Variants in CNBD1 observed in about 807,000 individuals in gnomAD.
CNBD1 encodes cyclic nucleotide-binding domain-containing protein 1.
A neutral mutation model predicts 54.4 loss-of-function variants in CNBD1; 71 were observed. The observed-to-expected ratio is 1.30, with a 90% CI of 1.08 to 1.59. The LOEUF is 1.59. Among genes scored for constraint, CNBD1 ranks in the 40% most tolerant of loss-of-function variants. The pLI is 0.00. For missense variants in CNBD1, 659 were observed against 518.0 expected (o/e 1.27, Z -2.64); for synonymous variants, 182 against 170.7 (o/e 1.07, Z -0.51).
intron 10 of CNBD1, among the ~76,000 whole-genome samples, chr8:87,366,404 C>A (rs1425970905): frequency 6.6e-6 from 1 of 152,030 alleles, no homozygotes; most frequent in Non-Finnish European, 1.5e-5. Context: ...CTGCTCCATC[C>A]ATCTGGCCCT....
intron 3 of CNBD1, among the ~76,000 whole-genome samples, chr8:86,924,248 A>C (rs766457008): frequency 4.6e-5 from 7 of 152,148 alleles, no homozygotes; most frequent in Admixed American, 1.3e-4. Context: ...TGCTTGAGTG[A>C]CCATATACCT....
chr8:86,895,202 C>T (rs148314826), intron 2 of CNBD1, among the ~76,000 whole-genome samples: 1 of 151,978 alleles, frequency 6.6e-6, no homozygotes, highest in African/African-American at 2.4e-5. Context: ...ACAGCAGCTT[C>T]CTTCACTAAA....
intron 4 of CNBD1, among the ~76,000 whole-genome samples, chr8:86,945,123 G>C (rs1807436144): frequency 1.3e-5 from 2 of 152,154 alleles, no homozygotes; most frequent in South Asian, 4.1e-4. Context: ...AAAATAATTG[G>C]TTTCTTCATA....
chr8:87,153,716 G>A (rs1461630609), intron 4 of CNBD1, among the ~76,000 whole-genome samples: 1 of 152,186 alleles, frequency 6.6e-6, no homozygotes, highest in Admixed American at 6.5e-5. Flanking sequence ...GCTGTGCAAT[G>A]GAGATACATG....
intron 2 of CNBD1, among the ~76,000 whole-genome samples, chr8:86,894,673 C>T (rs1265365509): frequency 6.6e-6 from 1 of 152,100 alleles, no homozygotes; most frequent in East Asian, 1.9e-4. Flanking sequence ...AAATCTTCTG[C>T]TCCATCTCTT....
Position 86,944,575 on chromosome 8 carries a change from A to C in CNBD1, c.431+4821A>C, listed in dbSNP as rs918825890. On this transcript the variant is annotated intron_variant, in intron 4 of 10. Coordinates refer to ENST00000518476, the MANE Select transcript of CNBD1 (RefSeq NM_173538.3). ...CAAGTGCAAGAGCCCAGGTATTGCA[A>C]CATGGTCTGCAAATAGAAAAACAAA... Among the ~76,000 whole-genome samples the C allele has an allele frequency of 2.6e-5, 4 of 152,228 alleles. No individual in the cohort carries two copies. The South Asian group carries it at 6.2e-4, about 24-fold the overall frequency.
intron 4 of CNBD1, among the ~76,000 whole-genome samples, chr8:86,940,881 C>T (rs1809643453): frequency 6.6e-6 from 1 of 152,124 alleles, no homozygotes; most frequent in Admixed American, 6.5e-5. Flanking sequence ...GTATAACTGC[C>T]TACAGTATAC....
At chr8:86,890,239 C>T (rs993594439) in intron 2 of CNBD1, among the ~76,000 whole-genome samples, 1 of 152,018 alleles carries the variant, frequency 6.6e-6, no homozygotes, top group African/African-American at 2.4e-5. Context: ...GTCAACATCT[C>T]CACATTCCTC....
chr8:86,952,948 G>A (rs1807663842), intron 4 of CNBD1, among the ~76,000 whole-genome samples: 1 of 151,930 alleles, frequency 6.6e-6, no homozygotes, highest in Non-Finnish European at 1.5e-5. Context: ...ATTTTGGGAG[G>A]GAATTAAATA....
intron 2 of CNBD1, among the ~76,000 whole-genome samples, chr8:86,897,497 A>G (rs1808864383): frequency 6.6e-6 from 1 of 152,190 alleles, no homozygotes; most frequent in East Asian, 1.9e-4. Flanking sequence ...AGAACTGCTA[A>G]GAAGGGACCA....
chr8:87,161,835 A>T (rs1812864418), intron 4 of CNBD1, among the ~76,000 whole-genome samples: 1 of 152,160 alleles, frequency 6.6e-6, no homozygotes, highest in Admixed American at 6.6e-5. Context: ...TACACATTTC[A>T]CTAGTTTATT....
intron 4 of CNBD1, among the ~76,000 whole-genome samples, chr8:87,025,775 C>T (rs1331181152): frequency 6.6e-6 from 1 of 152,098 alleles, no homozygotes; most frequent in African/African-American, 2.4e-5. Flanking sequence ...CACGAACCCA[C>T]CGGAAGGAAG....
intron 4 of CNBD1, among the ~76,000 whole-genome samples, chr8:87,051,885 C>T (rs1810318657): frequency 6.6e-6 from 1 of 152,136 alleles, no homozygotes; most frequent in African/African-American, 2.4e-5. Context: ...GGACCTGTTC[C>T]CAACAGATCT....
At chr8:87,016,075 A>G (rs755579875) in intron 4 of CNBD1, among the ~76,000 whole-genome samples, 1 of 151,870 alleles carries the variant, frequency 6.6e-6, no homozygotes, top group African/African-American at 2.4e-5. Context: ...TCACTTTCAA[A>G]CTAAATAAAA....
chr8:87,234,381 T>C (rs1807529925), intron 5 of CNBD1, among the ~76,000 whole-genome samples: 1 of 152,210 alleles, frequency 6.6e-6, no homozygotes, highest in Non-Finnish European at 1.5e-5. Flanking sequence ...ACTTATGAAA[T>C]GTATTTCTTA....
intron 4 of CNBD1, among the ~76,000 whole-genome samples, chr8:87,052,933 G>C (rs1810340885): frequency 6.6e-6 from 1 of 151,648 alleles, no homozygotes; most frequent in Non-Finnish European, 1.5e-5. Context: ...GGCATTTCTT[G>C]CAGGCATAAT....
At chr8:87,029,903 T>C (rs2130591612) in intron 4 of CNBD1, among the ~76,000 whole-genome samples, 1 of 152,308 alleles carries the variant, frequency 6.6e-6, no homozygotes, top group South Asian at 2.1e-4. Context: ...CACATATAGG[T>C]GCCTATGACA....
chr8:87,412,967 C>T (rs1338682562), intron 2 of CNBD1, among the ~76,000 whole-genome samples: 1 of 151,918 alleles, frequency 6.6e-6, no homozygotes. Flanking sequence ...TTGTCCTGTA[C>T]CTGTGAAGAT....
intron 4 of CNBD1, among the ~76,000 whole-genome samples, chr8:87,184,745 A>G (rs1039627280): frequency 6.7e-6 from 1 of 149,710 alleles, no homozygotes; most frequent in Admixed American, 6.7e-5. Context: ...CCCTATATCC[A>G]CTCCCAACAC....
Sources: allele counts gnomAD v4.1 joint callset (sites outside exome capture counted in the v4.1 genomes callset), GRCh38; gene constraint gnomAD v4.1.1; transcripts MANE v1.5; gene names NCBI Gene and HGNC (gene_info 2026-07-23, HGNC 2026-07-21).